The following ADAMTSL1 variants were observed in gnomAD, a reference collection of about 807,000 sequenced individuals.
ADAMTSL1 encodes ADAMTS like 1.
Under a neutral mutation model 201.8 loss-of-function variants are expected in ADAMTSL1, and 126 were observed. The observed-to-expected ratio is 0.62, with a 90% CI of 0.54 to 0.72. ADAMTSL1 has a LOEUF of 0.72. ADAMTSL1 is among the 30% of genes least tolerant of loss of function. The pLI, the probability that ADAMTSL1 is intolerant of heterozygous loss-of-function variation, is 0.00. For missense variants in ADAMTSL1, 2,679 were observed against 2,277.8 expected (o/e 1.18, Z -3.59); for synonymous variants, 1,121 against 903.4 (o/e 1.24, Z -4.32).
At chr9:18,691,705 G>A (rs931474913) in intron 13 of ADAMTSL1, among the ~76,000 whole-genome samples, 5 of 152,086 alleles carry the variant, frequency 3.3e-5, no homozygotes, top group African/African-American at 2.4e-5. Flanking sequence ...AAAAGTGTGG[G>A]CCCCAGGGAC....
chr9:18,733,537 T>C (rs1039338653), intron 15 of ADAMTSL1, among the ~76,000 whole-genome samples: 5 of 152,130 alleles, frequency 3.3e-5, no homozygotes, highest in Non-Finnish European at 7.4e-5. Context: ...TGCTTATAGA[T>C]CTGGAAGAAG....
chr9:18,443,722 A>G (rs1820085314), intron 2 of ADAMTSL1, among the ~76,000 whole-genome samples: 1 of 152,200 alleles, frequency 6.6e-6, no homozygotes, highest in Non-Finnish European at 1.5e-5. Context: ...AAAGATATGG[A>G]GAAATCTGCT....
At chr9:17,926,683 G>A (rs1207252814) in intron 1 of ADAMTSL1, among the ~76,000 whole-genome samples, 3 of 152,226 alleles carry the variant, frequency 2.0e-5, no homozygotes, top group Non-Finnish European at 2.9e-5. Context: ...CAAGAGGATT[G>A]TAAGTGTAAT....
At chr9:18,671,839 C>T (rs894203908) in intron 9 of ADAMTSL1, among the ~76,000 whole-genome samples, 4 of 152,026 alleles carry the variant, frequency 2.6e-5, no homozygotes, top group Admixed American at 2.0e-4. Flanking sequence ...AGATCGAGAC[C>T]ATCCTGGCTA....
At chr9:18,413,287 C>T (rs753759735) in intron 2 of ADAMTSL1, among the ~76,000 whole-genome samples, 56 of 151,804 alleles carry the variant, frequency 3.7e-4, no homozygotes, top group Admixed American at 1.2e-3. Context: ...GCCTCAGCCT[C>T]CTGAGTAGCT....
intron 1 of ADAMTSL1, among the ~76,000 whole-genome samples, chr9:18,481,103 A>G (rs1219873364): frequency 2.0e-5 from 3 of 152,254 alleles, no homozygotes; most frequent in Non-Finnish European, 4.4e-5. Flanking sequence ...AGAGTGAACA[A>G]TTCACAGAGA....
intron 2 of ADAMTSL1, among the ~76,000 whole-genome samples, chr9:18,275,432 A>G (rs2132601418): frequency 6.6e-6 from 1 of 152,120 alleles, no homozygotes; most frequent in East Asian, 1.9e-4. Flanking sequence ...TAGTCATCCA[A>G]CTATCACCAA....
chr9:18,635,425 A>T (rs1409075565), intron 5 of ADAMTSL1, among the ~76,000 whole-genome samples: 1 of 152,146 alleles, frequency 6.6e-6, no homozygotes, highest in Non-Finnish European at 1.5e-5. Context: ...TACATATAGT[A>T]TTAGGAATAG....
intron 1 of ADAMTSL1, among the ~76,000 whole-genome samples, chr9:18,012,748 A>G (rs1307674394): frequency 1.1e-4 from 17 of 152,040 alleles, no homozygotes; most frequent in Admixed American, 1.0e-3. Flanking sequence ...CCTTGGAAGC[A>G]TCTTTCAGGG....
At chr9:18,780,091 C>T (rs1821297550) in intron 19 of ADAMTSL1, among the ~76,000 whole-genome samples, 1 of 152,168 alleles carries the variant, frequency 6.6e-6, no homozygotes, top group African/African-American at 2.4e-5. Context: ...ATTAGAGGTC[C>T]TGACAATTTC....
chr9:18,390,006 A>G (rs1318786628), intron 2 of ADAMTSL1, among the ~76,000 whole-genome samples: 1 of 152,192 alleles, frequency 6.6e-6, no homozygotes, highest in African/African-American at 2.4e-5. Context: ...AATATGTGCA[A>G]TGAGATCAAA....
At chr9:18,716,852 T>C (rs957404805) in intron 14 of ADAMTSL1, among the ~76,000 whole-genome samples, 12 of 136,802 alleles carry the variant, frequency 8.8e-5, no homozygotes, top group African/African-American at 3.0e-4. Flanking sequence ...TGTCCAACAA[T>C]GATAGACTGG....
chr9:18,232,408 A>G (rs1254317645), intron 2 of ADAMTSL1, among the ~76,000 whole-genome samples: 1 of 152,032 alleles, frequency 6.6e-6, no homozygotes, highest in Non-Finnish European at 1.5e-5. Flanking sequence ...CTGGCCTGCA[A>G]CTTCCCTTCT....
chr9:18,619,587 T>C (rs753692703), intron 4 of ADAMTSL1, among the ~76,000 whole-genome samples: 38 of 152,310 alleles, frequency 2.5e-4, no homozygotes, highest in Middle Eastern at 3.4e-3. Flanking sequence ...ATTTAGCTAT[T>C]CCTAATATTA....
chr9:18,863,960 T>C (rs1242795184), intron 23 of ADAMTSL1, among the ~76,000 whole-genome samples: 1 of 152,230 alleles, frequency 6.6e-6, no homozygotes, highest in Admixed American at 6.5e-5. Flanking sequence ...ATCATTTTTA[T>C]AGTAAGTTTA....
rs1335173221 is a variant in ADAMTSL1, at chr9:18,541,351, A to T, written c.237+8059A>T. ...ATGGTGAAACACCGTCTCTACTAAA[A>T]ATATAAAAATTATCTTGATGTTGTG... On this transcript the variant is annotated intron_variant, in intron 3 of 28. Transcript: ENST00000380548. Among the ~76,000 whole-genome samples, 10 of 152,292 alleles carry T rather than the reference A, an allele frequency of 6.6e-5. No individual in the cohort carries two copies. In the East Asian group the frequency reaches 1.9e-3, roughly 29 times the overall value.
chr9:18,441,175 G>C (rs1461111483), intron 2 of ADAMTSL1, among the ~76,000 whole-genome samples: 1 of 143,152 alleles, frequency 7.0e-6, no homozygotes. Context: ...AGTGGGGAGA[G>C]GAATGGGGTT....
intron 20 of ADAMTSL1, among the ~76,000 whole-genome samples, chr9:18,816,119 C>G (rs1465802726): frequency 2.0e-5 from 3 of 152,148 alleles, no homozygotes; most frequent in Non-Finnish European, 4.4e-5. Context: ...GCCTCTTGAC[C>G]AATCTCTCGC....
chr9:18,889,490 C>T, intron 24 of ADAMTSL1, 78 bp from the exon 25 acceptor site: 3 of 1,500,324 alleles, frequency 2.0e-6, no homozygotes, highest in Non-Finnish European at 2.7e-6. Context: ...CACCTTCTCC[C>T]TGCCCTGCTC....
Sources: allele counts gnomAD v4.1 joint callset (sites outside exome capture counted in the v4.1 genomes callset), GRCh38; gene constraint gnomAD v4.1.1; transcripts MANE v1.5; gene names NCBI Gene and HGNC (gene_info 2026-07-23, HGNC 2026-07-21).